DNAAF9: variants seen among roughly 807,000 people sequenced by gnomAD.
DNAAF9 encodes the protein dynein axonemal assembly factor 9, also known as shulin.
Under a neutral mutation model 167.0 loss-of-function variants are expected in DNAAF9, and 90 were observed. The observed-to-expected ratio is 0.54, with a 90% CI of 0.45 to 0.64. The LOEUF is 0.64. DNAAF9 is among the 30% of genes least tolerant of loss of function. The pLI is 0.00. For synonymous variants in DNAAF9, 491 were observed against 508.8 expected (o/e 0.96, Z 0.47); for missense variants, 1,315 against 1,442.2 (o/e 0.91, Z 1.43).
In DNAAF9 at chr20:3,310,347, A is replaced by AAGAAAGAAAGAAAG. The variant is rs1394826217; in HGVS notation, c.1678+4672_1678+4685dup. On this transcript the variant is annotated intron_variant, in intron 20 of 36. Coordinates refer to ENST00000252032, the MANE Select transcript of DNAAF9 (RefSeq NM_001009984.3). ...AAAGAGAAAGAAAAAGAAAGAAAGA[A>AAGAAAGAAAGAAAG]AGAAAGAAAGAAAGAAAGAAAGAAA... Among the ~76,000 whole-genome samples the AAGAAAGAAAGAAAG allele has an allele frequency of 2.8e-4, 41 of 148,020 alleles. 1 individual carries two copies. The highest frequency in any genetic ancestry group is 9.6e-4 in the African/African-American group (39 of 40,588).
At chr20:3,282,731 T>C (rs767409784) in intron 27 of DNAAF9, among the ~76,000 whole-genome samples, 1 of 152,188 alleles carries the variant, frequency 6.6e-6, no homozygotes, top group Admixed American at 6.5e-5. Flanking sequence ...TTTCTGAACA[T>C]GCCAGGCATA....
At chr20:3,323,409 A>G (rs542269450) in intron 14 of DNAAF9, among the ~76,000 whole-genome samples, 21 of 150,602 alleles carry the variant, frequency 1.4e-4, no homozygotes, top group East Asian at 5.9e-4. Flanking sequence ...AGCCTCCCCA[A>G]TAGCTGGGAC....
chr20:3,260,485 T>C (rs1381929011), intron 31 of DNAAF9, among the ~76,000 whole-genome samples: 1 of 152,188 alleles, frequency 6.6e-6, no homozygotes, highest in Non-Finnish European at 1.5e-5. Context: ...AATCAGGAGC[T>C]GAGGATGAAG....
At chr20:3,309,711 C>A (rs1213251672) in intron 20 of DNAAF9, among the ~76,000 whole-genome samples, 1 of 151,978 alleles carries the variant, frequency 6.6e-6, no homozygotes, top group Non-Finnish European at 1.5e-5. Flanking sequence ...TTTTATAATT[C>A]AACAGAAAAG....
At chr20:3,376,431 T>C (rs1266896908) in intron 3 of DNAAF9, 129 bp from the exon 4 acceptor site, 2 of 752,988 alleles carry the variant, frequency 2.7e-6, no homozygotes, top group African/African-American at 3.6e-5. Context: ...AAACTGAAAA[T>C]TATTTAATTA....
chr20:3,251,256 C>T lies in DNAAF9; in HGVS notation c.*1316G>A, dbSNP rs2068190126. 2 of 151,820 alleles carry T rather than the reference C, an allele frequency of 1.3e-5. No homozygotes were observed. The highest frequency in any genetic ancestry group is 4.2e-4 in the South Asian group (2 of 4,816). The allele number at this position is 151,820 out of a possible 1,614,324, so 9.4% of individuals were successfully genotyped here. On this transcript the variant is annotated 3_prime_UTR_variant, in exon 37 of 37. Coordinates refer to ENST00000252032, the MANE Select transcript of DNAAF9 (RefSeq NM_001009984.3). ...AGACTACATGTGCTCCATCTTGTCT[C>T]TCCGCTGCTCCAGGGGCCTTGCTCA...
Position 3,359,589 on chromosome 20 carries a change from T to C in DNAAF9, c.617A>G (p.Gln206Arg). Reference sequence around the variant, plus strand: ...ATTCCATAGATTCAAACTCACATCCTGCAACTGCAACAGAGGGCAAAAACA... The same window carrying C: ...ATTCCATAGATTCAAACTCACATCCCGCAACTGCAACAGAGGGCAAAAACA... ...DGFFTMKYEL[Q>R]DVSLNLWNVY... is the part of the protein sequence containing the mutation. Residue 206 changes from glutamine to arginine, a missense_variant, in exon 7 of 37, where the codon CAG (glutamine) becomes CGG (arginine). Coordinates refer to ENST00000252032, the MANE Select transcript of DNAAF9 (RefSeq NM_001009984.3). 6.2e-7 allele frequency: 1 copy of C among 1,608,194 alleles called. No homozygotes were observed.
intron 6 of DNAAF9, among the ~76,000 whole-genome samples, chr20:3,368,646 G>T (rs2083463858): frequency 6.6e-6 from 1 of 151,660 alleles, no homozygotes; most frequent in Non-Finnish European, 1.5e-5. Context: ...CCGAGTAGCT[G>T]GGACTACAGG....
At chr20:3,350,132 GACACACAGAC>G (rs1397032528) in intron 7 of DNAAF9, among the ~76,000 whole-genome samples, 23 of 137,652 alleles carry the variant, frequency 1.7e-4, no homozygotes, top group African/African-American at 6.4e-4. Context: ...CAGACACACA[GACACACAGAC>G]ACACAGACAC....
At chr20:3,331,941 T>C (rs890300314) in intron 11 of DNAAF9, among the ~76,000 whole-genome samples, 3 of 152,246 alleles carry the variant, frequency 2.0e-5, no homozygotes, top group African/African-American at 7.2e-5. Context: ...CCCAAAGTGC[T>C]GGGATTACAG....
At chr20:3,379,704 T>C (rs1055048167) in intron 3 of DNAAF9, among the ~76,000 whole-genome samples, 1 of 152,198 alleles carries the variant, frequency 6.6e-6, no homozygotes, top group African/African-American at 2.4e-5. Context: ...ACTACTTGTA[T>C]AAACAAATTT....
intron 7 of DNAAF9, among the ~76,000 whole-genome samples, chr20:3,354,755 T>C (rs965020803): frequency 2.6e-5 from 4 of 152,216 alleles, no homozygotes; most frequent in Admixed American, 2.0e-4. Context: ...TATTTCCAAA[T>C]ACAGTTGAAT....
chr20:3,279,293 A>C (rs896879937), intron 28 of DNAAF9, among the ~76,000 whole-genome samples: 4 of 152,214 alleles, frequency 2.6e-5, no homozygotes, highest in Non-Finnish European at 4.4e-5. Context: ...ATTTCAAGGG[A>C]AAATAAGAAT....
chr20:3,340,444 A>ACCCCCCCCCC, intron 10 of DNAAF9, 60 bp downstream of exon 10: 1 of 138,912 alleles, frequency 7.2e-6, no homozygotes, highest in Non-Finnish European at 1.6e-5. Context: ...CCCCCCACCC[A>ACCCCCCCCCC]CCCCACCCCC....
chr20:3,288,963 C>T (rs565801543), intron 26 of DNAAF9, among the ~76,000 whole-genome samples: 3 of 152,270 alleles, frequency 2.0e-5, no homozygotes, highest in East Asian at 3.9e-4. Flanking sequence ...CTACAATGCT[C>T]TCCCCTAGAT....
chr20:3,332,502 G>A, intron 10 of DNAAF9, 141 bp from the exon 11 acceptor site: 1 of 493,806 alleles, frequency 2.0e-6, no homozygotes, highest in Non-Finnish European at 3.6e-6. Context: ...CATGTAGGAT[G>A]GAGTGCAGTG....
intron 12 of DNAAF9, among the ~76,000 whole-genome samples, chr20:3,328,183 G>GT (rs754972652): frequency 0.068 from 8,942 of 131,906 alleles, 363 homozygotes; most frequent in Non-Finnish European, 0.087. Flanking sequence ...GCATGGCTCT[G>GT]TTTTTTTTTT....
chr20:3,287,681 G>A lies in DNAAF9; in HGVS notation c.2437C>T (p.Gln813Ter). ...GTCTTCTTGCGGATGTAGGCTGACT[G>A]GCGCGCAGAGCGGTTCTGCTGGGCC... The part of the protein sequence containing the change: ...LEAQQNRSAR[Q>*]SAYIRKKTRL... Residue 813 changes from glutamine to a stop codon, truncating the protein, a stop_gained, in exon 27 of 37, where the codon CAG becomes TAG. Transcript: ENST00000252032. LOFTEE classifies it high-confidence loss of function. The A allele has an allele frequency of 6.2e-7, 1 of 1,614,236 alleles. No individual in the cohort carries two copies. The highest frequency in any genetic ancestry group is 8.5e-7 in the Non-Finnish European group (1 of 1,180,036).
At chr20:3,306,615 G>C (rs1291519454) in intron 20 of DNAAF9, among the ~76,000 whole-genome samples, 2 of 152,160 alleles carry the variant, frequency 1.3e-5, no homozygotes, top group Non-Finnish European at 2.9e-5. Flanking sequence ...AGGTTTGTCT[G>C]ATGCCAAAGA....
Sources: allele counts gnomAD v4.1 joint callset (sites outside exome capture counted in the v4.1 genomes callset), GRCh38; gene constraint gnomAD v4.1.1; transcripts MANE v1.5; gene names NCBI Gene and HGNC (gene_info 2026-07-23, HGNC 2026-07-21).